Variants in SNCAIP observed in about 807,000 individuals in gnomAD.
SNCAIP encodes synphilin-1.
SNCAIP carries 43 observed loss-of-function variants against 86.7 expected under a neutral mutation model. The observed-to-expected ratio is 0.50, with a 90% CI of 0.39 to 0.64. The LOEUF is 0.64. SNCAIP is among the 30% of genes least tolerant of loss of function. The probability of loss-of-function intolerance (pLI) is 0.00; values close to 1 mark genes in which losing one functional copy is unlikely to be tolerated. For synonymous variants in SNCAIP, 417 were observed against 427.2 expected (o/e 0.98, Z 0.29); for missense variants, 981 against 1,103.1 (o/e 0.89, Z 1.57).
intron 1 of SNCAIP, among the ~76,000 whole-genome samples, chr5:122,332,443 A>G (rs1380598766): frequency 6.6e-6 from 1 of 152,246 alleles, no homozygotes; most frequent in Non-Finnish European, 1.5e-5. Flanking sequence ...ACCTTGAAGC[A>G]TACCTGCCAA....
At chr5:122,422,010 G>GA (rs377501212) in intron 3 of SNCAIP, among the ~76,000 whole-genome samples, 2,553 of 42,184 alleles carry the variant, frequency 0.061, 71 homozygotes, top group African/African-American at 0.16. Context: ...ACAGAAATTA[G>GA]AAAAAAAAAA....
At chr5:122,438,963 G>A (rs572365828) in intron 6 of SNCAIP, among the ~76,000 whole-genome samples, 53 of 152,270 alleles carry the variant, frequency 3.5e-4, no homozygotes, top group African/African-American at 1.3e-3. Context: ...CCATGTCTGA[G>A]CCATTAACCT....
At chr5:122,317,689 A>T (rs1477299160) in intron 1 of SNCAIP, among the ~76,000 whole-genome samples, 2 of 152,138 alleles carry the variant, frequency 1.3e-5, no homozygotes, top group Non-Finnish European at 2.9e-5. Context: ...TTTTAAAAGG[A>T]AATATTGAAA....
chr5:122,454,454 A>G (rs1430376178), intron 10 of SNCAIP: 1 of 152,666 alleles, frequency 6.6e-6, no homozygotes, highest in African/African-American at 2.4e-5. Flanking sequence ...AGGTGTCTGA[A>G]CTGCTTCCGG....
intron 3 of SNCAIP, 151 bp from the exon 4 acceptor site, chr5:122,422,717 T>G: frequency 4.7e-6 from 3 of 636,650 alleles, no homozygotes; most frequent in Non-Finnish European, 8.4e-6. Flanking sequence ...TAAGTATGAT[T>G]TTTTTTGTTC....
At chr5:122,439,531 C>T (rs1186468820) in intron 6 of SNCAIP, among the ~76,000 whole-genome samples, 1 of 152,152 alleles carries the variant, frequency 6.6e-6, no homozygotes, top group East Asian at 1.9e-4. Flanking sequence ...AGGGGTGAAA[C>T]ATTAAAAGAT....
In SNCAIP at chr5:122,379,621, T is replaced by C. The variant is rs1050037401; in HGVS notation, c.-46-11468T>C. ...GAGGGCATCCCTGTCTTGTGCCAGT[T>C]TTCAAAGGGAATGCTTCCAGTTTTT... On this transcript the variant is annotated intron_variant, in intron 1 of 10. Coordinates refer to ENST00000261368, the MANE Select transcript of SNCAIP (RefSeq NM_005460.4). 2.7e-4 allele frequency among the ~76,000 whole-genome samples: 41 copies of C among 151,540 alleles called. No homozygotes were observed. The East Asian group carries it at 4.5e-3, about 17-fold the overall frequency.
chr5:122,313,484 G>C (rs958315944), intron 1 of SNCAIP, among the ~76,000 whole-genome samples: 1 of 152,220 alleles, frequency 6.6e-6, no homozygotes, highest in Non-Finnish European at 1.5e-5. Context: ...CACTACTTTC[G>C]TTGCTGAATC....
chr5:122,411,237 A>G (rs1195989327), intron 3 of SNCAIP, among the ~76,000 whole-genome samples: 1 of 152,190 alleles, frequency 6.6e-6, no homozygotes, highest in Non-Finnish European at 1.5e-5. Context: ...GAACTGAAAC[A>G]TAGGGACAAG....
chr5:122,327,135 T>C (rs76840261), intron 1 of SNCAIP, among the ~76,000 whole-genome samples: 2,793 of 152,184 alleles, frequency 0.018, 40 homozygotes, highest in Non-Finnish European at 0.028. Flanking sequence ...AAGTCCAATT[T>C]TTATTGAGAG....
intron 5 of SNCAIP, among the ~76,000 whole-genome samples, chr5:122,426,003 G>A (rs563238752): frequency 6.6e-6 from 1 of 152,304 alleles, no homozygotes; most frequent in South Asian, 2.1e-4. Flanking sequence ...GAGTATCAGT[G>A]CCGAGTTTGA....
intron 7 of SNCAIP, chr5:122,444,041 C>A (rs1581318652): frequency 4.4e-6 from 2 of 456,454 alleles, no homozygotes; most frequent in East Asian, 1.4e-4. Flanking sequence ...AGGGTGGGAG[C>A]TGCTTCACAG....
chr5:122,455,667 T>G (rs1784597237), intron 10 of SNCAIP, among the ~76,000 whole-genome samples: 1 of 150,380 alleles, frequency 6.6e-6, no homozygotes, highest in Non-Finnish European at 1.5e-5. Flanking sequence ...TTAAAAGAAA[T>G]TGTTATTTTT....
At chr5:122,339,125 G>A (rs1184229109) in intron 1 of SNCAIP, among the ~76,000 whole-genome samples, 1 of 152,068 alleles carries the variant, frequency 6.6e-6, no homozygotes, top group Non-Finnish European at 1.5e-5. Context: ...TGATCATTTG[G>A]GAATGCAATG....
intron 1 of SNCAIP, chr5:122,323,293 T>C (rs1374678204): frequency 6.6e-6 from 1 of 152,358 alleles, no homozygotes; most frequent in East Asian, 1.9e-4. Flanking sequence ...TTTAAAAGTC[T>C]AATCTTTAAT....
intron 1 of SNCAIP, chr5:122,321,730 G>A (rs1252140904): frequency 6.6e-6 from 1 of 152,064 alleles, no homozygotes; most frequent in Non-Finnish European, 1.5e-5. Flanking sequence ...CCCATCGCAG[G>A]GGCTCCTGTT....
At chr5:122,316,901 T>A (rs766483513) in intron 1 of SNCAIP, among the ~76,000 whole-genome samples, 4 of 152,208 alleles carry the variant, frequency 2.6e-5, no homozygotes, top group Admixed American at 1.3e-4. Flanking sequence ...CTGAACAGCA[T>A]ACACAGCTGC....
intron 4 of SNCAIP, 82 bp downstream of exon 4, chr5:122,423,821 A>T (rs1458994409): frequency 4.0e-6 from 5 of 1,264,242 alleles, no homozygotes; most frequent in Non-Finnish European, 5.6e-6. Flanking sequence ...TAACAGAACG[A>T]TGCTGCATTT....
intron 1 of SNCAIP, among the ~76,000 whole-genome samples, chr5:122,327,594 C>G (rs1554077296): frequency 6.6e-6 from 1 of 152,176 alleles, no homozygotes; most frequent in Non-Finnish European, 1.5e-5. Context: ...CTCTTTCTCT[C>G]TCCTGTCACC....
Sources: gnomAD v4.1 joint callset for allele counts (sites outside exome capture counted in the v4.1 genomes callset) on GRCh38, gnomAD v4.1.1 for gene constraint, MANE v1.5 for transcripts, NCBI Gene and HGNC (gene_info 2026-07-23, HGNC 2026-07-21) for gene names.